SLC35F1: variants seen among roughly 807,000 people sequenced by gnomAD.
The protein encoded by SLC35F1 is solute carrier family 35 member F1, also known as chromosome 6 open reading frame 169.
Under a neutral mutation model 48.7 loss-of-function variants are expected in SLC35F1, and 14 were observed. That is an observed-to-expected ratio of 0.29 (90% CI 0.19 to 0.45). The LOEUF (loss-of-function observed/expected upper bound fraction) is 0.45. Among genes scored for constraint, SLC35F1 ranks in the 20% least tolerant of loss-of-function variants. SLC35F1 has a pLI of 1.00. For synonymous variants in SLC35F1, 190 were observed against 202.2 expected (o/e 0.94, Z 0.51); for missense variants, 404 against 500.0 (o/e 0.81, Z 1.83).
At chr6:117,940,136 G>T (rs1271255870) in intron 1 of SLC35F1, among the ~76,000 whole-genome samples, 1 of 152,222 alleles carries the variant, frequency 6.6e-6, no homozygotes, top group Admixed American at 6.5e-5. Context: ...GAGTATCTTA[G>T]AGGGAGAGAA....
At chr6:118,090,288 G>A (rs990635981) in intron 1 of SLC35F1, among the ~76,000 whole-genome samples, 1 of 152,134 alleles carries the variant, frequency 6.6e-6, no homozygotes, top group Admixed American at 6.6e-5. Context: ...GGTTTTGAAT[G>A]CCTACCATGT....
At chr6:118,206,740 T>C (rs55755217) in intron 2 of SLC35F1, among the ~76,000 whole-genome samples, 1,565 of 152,276 alleles carry the variant, frequency 0.01, 31 homozygotes, top group African/African-American at 0.036. Flanking sequence ...AGAGGCCATC[T>C]TGTTACCAAA....
At chr6:118,273,255 A>G (rs957302806) in intron 4 of SLC35F1, among the ~76,000 whole-genome samples, 1 of 152,154 alleles carries the variant, frequency 6.6e-6, no homozygotes. Flanking sequence ...TTTGAAAAAT[A>G]TTGGTGAGAC....
chr6:117,926,921 T>C (rs567823262), intron 1 of SLC35F1, among the ~76,000 whole-genome samples: 1 of 152,150 alleles, frequency 6.6e-6, no homozygotes, highest in East Asian at 1.9e-4. Context: ...TACTCTAAAG[T>C]TACATTCTAA....
intron 2 of SLC35F1, among the ~76,000 whole-genome samples, chr6:118,229,242 CAAA>C (rs1775258234): frequency 6.6e-6 from 1 of 151,952 alleles, no homozygotes; most frequent in Non-Finnish European, 1.5e-5. Flanking sequence ...CTTTTTAAGC[CAAA>C]AAATTGATTT....
At chr6:117,967,478 C>G (rs1196891248) in intron 1 of SLC35F1, among the ~76,000 whole-genome samples, 2 of 152,124 alleles carry the variant, frequency 1.3e-5, no homozygotes, top group Non-Finnish European at 2.9e-5. Context: ...ACGCTTGTGT[C>G]CTCATCCTCT....
chr6:118,188,751 T>C (rs1219172266), intron 2 of SLC35F1, among the ~76,000 whole-genome samples: 1 of 152,202 alleles, frequency 6.6e-6, no homozygotes, highest in East Asian at 1.9e-4. Flanking sequence ...TGTTTCCATA[T>C]CTTGGCTATT....
At chr6:118,084,230 AC>A (rs1772952098) in intron 1 of SLC35F1, among the ~76,000 whole-genome samples, 1 of 152,162 alleles carries the variant, frequency 6.6e-6, no homozygotes, top group South Asian at 2.1e-4. Context: ...AAGTCCCATG[AC>A]TTTATTAAGT....
chr6:117,995,094 A>G (rs774039310), intron 1 of SLC35F1, among the ~76,000 whole-genome samples: 3 of 152,156 alleles, frequency 2.0e-5, no homozygotes, highest in Non-Finnish European at 1.5e-5. Context: ...CTCCAGCTTG[A>G]GTTTTCTCTT....
chr6:117,927,166 C>G (rs1399156320), intron 1 of SLC35F1, among the ~76,000 whole-genome samples: 1 of 152,270 alleles, frequency 6.6e-6, no homozygotes, highest in Non-Finnish European at 1.5e-5. Context: ...TAGTTCTTGG[C>G]ACCATGCCTG....
At chr6:118,092,305 G>A (rs1426849405) in intron 1 of SLC35F1, among the ~76,000 whole-genome samples, 1 of 152,172 alleles carries the variant, frequency 6.6e-6, no homozygotes, top group Non-Finnish European at 1.5e-5. Context: ...CATGGGCCAG[G>A]CCATGTGGTG....
chr6:117,954,548 T>C (rs916536514), intron 1 of SLC35F1, among the ~76,000 whole-genome samples: 3 of 152,218 alleles, frequency 2.0e-5, no homozygotes, highest in Non-Finnish European at 4.4e-5. Flanking sequence ...CGTGAGCCAC[T>C]GCGCTTGGCT....
At chr6:118,310,305 T>A (rs1159868891) in intron 7 of SLC35F1, among the ~76,000 whole-genome samples, 1 of 152,174 alleles carries the variant, frequency 6.6e-6, no homozygotes, top group Non-Finnish European at 1.5e-5. Context: ...GTTCCTGATG[T>A]CTTTCCTTGG....
intron 1 of SLC35F1, among the ~76,000 whole-genome samples, chr6:118,025,536 T>C (rs942375103): frequency 6.6e-6 from 1 of 152,168 alleles, no homozygotes; most frequent in African/African-American, 2.4e-5. Context: ...CAGTCCACAA[T>C]TGAGTGGGGA....
At chr6:118,175,128 C>A (rs192269860) in intron 2 of SLC35F1, among the ~76,000 whole-genome samples, 1 of 152,152 alleles carries the variant, frequency 6.6e-6, no homozygotes, top group East Asian at 1.9e-4. Context: ...TTAATTTTTA[C>A]AATTTGTTTT....
Position 118,098,264 on chromosome 6 carries a change from C to G in SLC35F1, c.174-56181C>G, listed in dbSNP as rs113825550. ...TATTACCATCCTCCTACAATTAAGA[C>G]AACCTGGGTACAGAATGTCCTGAAG... On this transcript the variant is annotated intron_variant, in intron 1 of 7. Transcript: ENST00000360388. Among the ~76,000 whole-genome samples the G allele has an allele frequency of 1.5e-4, 23 of 152,302 alleles. 1 individual carries two copies. Among genetic ancestry groups the G allele is most frequent in the African/African-American group, 5.5e-4 (23 of 41,570 alleles).
chr6:118,151,653 C>T (rs1161579907), intron 1 of SLC35F1, among the ~76,000 whole-genome samples: 2 of 152,064 alleles, frequency 1.3e-5, no homozygotes. Flanking sequence ...GGAGCTGGGA[C>T]TACAGACATG....
intron 1 of SLC35F1, among the ~76,000 whole-genome samples, chr6:118,114,578 G>A (rs894598002): frequency 8.6e-5 from 13 of 151,432 alleles, no homozygotes; most frequent in East Asian, 3.9e-4. Flanking sequence ...GGCTTTCCTC[G>A]TGTTAGCCAG....
intron 1 of SLC35F1, among the ~76,000 whole-genome samples, chr6:118,046,064 G>A (rs966081972): frequency 6.6e-6 from 1 of 152,116 alleles, no homozygotes; most frequent in Non-Finnish European, 1.5e-5. Context: ...AATGCGCAAA[G>A]GCATTTAAAG....
Sources: allele counts gnomAD v4.1 joint callset (sites outside exome capture counted in the v4.1 genomes callset), GRCh38; gene constraint gnomAD v4.1.1; transcripts MANE v1.5; gene names NCBI Gene and HGNC (gene_info 2026-07-23, HGNC 2026-07-21).